Variants in PDE1C observed in about 807,000 individuals in gnomAD.
PDE1C encodes dual specificity calcium/calmodulin-dependent 3',5'-cyclic nucleotide phosphodiesterase 1C.
Under a neutral mutation model 93.1 loss-of-function variants are expected in PDE1C, and 62 were observed. The observed-to-expected ratio is 0.67, with a 90% CI of 0.54 to 0.82. The LOEUF is 0.82. Among genes scored for constraint, PDE1C ranks in the 40% least tolerant of loss-of-function variants. The pLI is 0.00. For missense variants in PDE1C, 742 were observed against 884.6 expected (o/e 0.84, Z 2.04); for synonymous variants, 325 against 310.1 (o/e 1.05, Z -0.50).
chr7:31,977,878 T>C (rs1338953552), intron 2 of PDE1C, among the ~76,000 whole-genome samples: 1 of 152,218 alleles, frequency 6.6e-6, no homozygotes, highest in East Asian at 1.9e-4. Context: ...CACTGACTTA[T>C]AATAAAAGTA....
chr7:31,986,064 G>GGTCATGTCAGATTTACCAGTT (rs1783361768), intron 2 of PDE1C, among the ~76,000 whole-genome samples: 1 of 152,070 alleles, frequency 6.6e-6, no homozygotes, highest in Admixed American at 6.6e-5. Context: ...ATTTTCTCAG[G>GGTCATGTCAGATTTACCAGTT]ACTGCCATAA....
chr7:32,343,773 A>G (rs1055779048), intron 1 of PDE1C, among the ~76,000 whole-genome samples: 4 of 152,202 alleles, frequency 2.6e-5, no homozygotes, highest in African/African-American at 9.7e-5. Flanking sequence ...TATTTCAAAG[A>G]AAACAGATGC....
chr7:31,872,227 T>G (rs1314753707), intron 6 of PDE1C, among the ~76,000 whole-genome samples: 6 of 151,932 alleles, frequency 3.9e-5, no homozygotes, highest in Non-Finnish European at 2.9e-5. Context: ...GGGATGTGTG[T>G]GGGGGTATAG....
intron 1 of PDE1C, among the ~76,000 whole-genome samples, chr7:32,404,666 A>G (rs1399198823): frequency 6.6e-6 from 1 of 152,048 alleles, no homozygotes; most frequent in African/African-American, 2.4e-5. Flanking sequence ...TTATTTATGT[A>G]TTCAGTGACA....
the PDE1C span, among the ~76,000 whole-genome samples, chr7:31,736,323 A>G: frequency 6.6e-6 from 1 of 152,174 alleles, no homozygotes; most frequent in Non-Finnish European, 1.5e-5. Flanking sequence ...AAGTTTTCCA[A>G]GGGCAGCCCG....
chr7:32,153,742 T>C (rs1247583802), intron 3 of PDE1C, among the ~76,000 whole-genome samples: 8 of 152,220 alleles, frequency 5.3e-5, no homozygotes, highest in Non-Finnish European at 1.2e-4. Context: ...GATAAAATTA[T>C]TTCAGCAAGA....
intron 1 of PDE1C, among the ~76,000 whole-genome samples, chr7:32,420,092 C>CATATATATATATATAT (rs371570161): frequency 1.2e-4 from 2 of 16,364 alleles, no homozygotes; most frequent in Non-Finnish European, 2.1e-4. Context: ...GGTGTGGTGG[C>CATATATATATATATAT]ATATATATAT....
At chr7:31,890,983 T>C (rs1011761870) in intron 2 of PDE1C, among the ~76,000 whole-genome samples, 1 of 152,070 alleles carries the variant, frequency 6.6e-6, no homozygotes, top group Non-Finnish European at 1.5e-5. Context: ...TCTGCTATTG[T>C]TTCCCTCCAC....
At chr7:32,058,119 T>C (rs376884326) in intron 1 of PDE1C, among the ~76,000 whole-genome samples, 10 of 152,206 alleles carry the variant, frequency 6.6e-5, no homozygotes, top group African/African-American at 1.9e-4. Context: ...GTATGGGAAG[T>C]TGAATATGCA....
intron 1 of PDE1C, among the ~76,000 whole-genome samples, chr7:32,212,025 CAAAAAA>C (rs35827566): frequency 1.2e-5 from 1 of 81,266 alleles, no homozygotes; most frequent in Non-Finnish European, 2.5e-5. Flanking sequence ...GAACCTATCT[CAAAAAA>C]AAAAAAAAAA....
intron 11 of PDE1C, among the ~76,000 whole-genome samples, chr7:31,831,496 A>ACG (rs1467199037): frequency 1.1e-4 from 5 of 45,186 alleles, no homozygotes; most frequent in South Asian, 7.9e-4. Flanking sequence ...ACACACATGC[A>ACG]CGCACACACA....
At chr7:31,642,506 G>A in the PDE1C span, among the ~76,000 whole-genome samples, 1 of 152,194 alleles carries the variant, frequency 6.6e-6, no homozygotes, top group Non-Finnish European at 1.5e-5. Context: ...TCTAAGCAAG[G>A]AGGCTGAGCC....
At chr7:32,169,692 A>T in intron 3 of PDE1C, 1 of 1,042,874 alleles carries the variant, frequency 9.6e-7, no homozygotes, top group Non-Finnish European at 1.5e-6. Flanking sequence ...GAAATGAAGT[A>T]ATTTGCTGGC....
intron 16 of PDE1C, among the ~76,000 whole-genome samples, chr7:31,795,733 A>C (rs532952919): frequency 3.3e-5 from 5 of 151,936 alleles, no homozygotes; most frequent in South Asian, 4.1e-4. Flanking sequence ...AGTTTCCCTT[A>C]GTATAACACA....
At chr7:32,381,775 T>C (rs943696902) in intron 1 of PDE1C, among the ~76,000 whole-genome samples, 6 of 152,162 alleles carry the variant, frequency 3.9e-5, no homozygotes, top group African/African-American at 1.4e-4. Context: ...TGAAAGAATA[T>C]ATTTGTTTGC....
At chr7:32,340,803 A>T (rs182846811) in intron 1 of PDE1C, among the ~76,000 whole-genome samples, 1 of 152,234 alleles carries the variant, frequency 6.6e-6, no homozygotes, top group Non-Finnish European at 1.5e-5. Context: ...TACAATGGAG[A>T]TAGTAAAAAG....
intron 1 of PDE1C, among the ~76,000 whole-genome samples, chr7:32,390,094 T>A (rs1028176935): frequency 2.0e-5 from 3 of 152,162 alleles, no homozygotes; most frequent in Admixed American, 2.0e-4. Flanking sequence ...AATATATTTT[T>A]CCCCTTTTTT....
intron 15 of PDE1C, among the ~76,000 whole-genome samples, chr7:31,815,045 A>C (rs7791212): frequency 0.16 from 24,876 of 152,044 alleles, 2,304 homozygotes; most frequent in Middle Eastern, 0.27. Context: ...ACTCAGAAGT[A>C]TCTTTAGCCC....
At chr7:32,376,049 C>T (rs1784427102) in intron 1 of PDE1C, among the ~76,000 whole-genome samples, 1 of 152,032 alleles carries the variant, frequency 6.6e-6, no homozygotes, top group South Asian at 2.1e-4. Flanking sequence ...CCCAGCTACT[C>T]AGGAGGCTGA....
Sources: gnomAD v4.1 joint callset for allele counts (sites outside exome capture counted in the v4.1 genomes callset) on GRCh38, gnomAD v4.1.1 for gene constraint, MANE v1.5 for transcripts, NCBI Gene and HGNC (gene_info 2026-07-23, HGNC 2026-07-21) for gene names.